Variants in ROBO3 observed in about 807,000 individuals in gnomAD.
The protein encoded by ROBO3 is roundabout homolog 3.
ROBO3 carries 97 observed loss-of-function variants against 160.5 expected under a neutral mutation model. That is an observed-to-expected ratio of 0.60 (90% CI 0.51 to 0.72). The LOEUF is 0.72. ROBO3 is among the 30% of genes least tolerant of loss of function. The probability of loss-of-function intolerance (pLI) is 0.00; values close to 1 mark genes in which losing one functional copy is unlikely to be tolerated. For missense variants in ROBO3, 1,858 were observed against 1,846.5 expected, an observed-to-expected ratio of 1.01 and a Z score of -0.11; for synonymous variants, 780 against 746.2, an observed-to-expected ratio of 1.05 and a Z score of -0.74.
At chr11:124,866,429 G>T (rs1440553781) in intron 1 of ROBO3, among the ~76,000 whole-genome samples, 1 of 152,168 alleles carries the variant, frequency 6.6e-6, no homozygotes, top group Admixed American at 6.5e-5. Context: ...GCCGGCCGCC[G>T]CCAGCCTGCG....
Position 124,876,699 on chromosome 11 carries a change from C to G in ROBO3, c.2779+239C>G. ...GATGACGTTTGCCTCTAAGACGCCA[C>G]GAGGAGGCCAGGCTTTGCAACCATC... On this transcript the variant is annotated intron_variant, in intron 17 of 27. Transcript: ENST00000397801. This position sits in a 1 kb window ranked among gnomAD's most constrained non-coding sequence, Gnocchi z 5.3. 3 of 470,274 alleles carry G rather than the reference C, an allele frequency of 6.4e-6. No individual in the cohort carries two copies. Among genetic ancestry groups the G allele is most frequent in the East Asian group, 6.6e-5 (2 of 30,316 alleles). The allele number at this position is 470,274 out of a possible 1,614,324, so 29.1% of individuals were successfully genotyped here.
chr11:124,873,031 G>C lies in ROBO3; in HGVS notation c.1478G>C (p.Gly493Ala). 1 of 1,613,918 alleles carries C rather than the reference G, an allele frequency of 6.2e-7. No homozygotes were observed. The highest frequency in any genetic ancestry group is 8.5e-7 in the Non-Finnish European group (1 of 1,179,852). ...RWKKDGQWLQGDDLQFKTMAN... is the reference protein window; with the variant it reads ...RWKKDGQWLQADDLQFKTMAN... ...AAGAAGGATGGGCAGTGGCTGCAGGGGGATGACCTCCAGTTCAAGACAATG... is the reference window on the plus strand; with the variant it reads ...AAGAAGGATGGGCAGTGGCTGCAGGCGGATGACCTCCAGTTCAAGACAATG... Residue 493 changes from glycine (G) to alanine (A), a missense_variant, in exon 9 of 28, where the codon GGG becomes GCG. Physicochemically the swap from Gly to Ala is moderately conservative, Grantham distance 60 (BLOSUM62 0). Transcript: ENST00000397801. This position sits in a 1 kb window ranked among gnomAD's most constrained non-coding sequence, Gnocchi z 4.5.
At chr11:124,870,371 C>T (rs765073550) in intron 5 of ROBO3, 68 bp downstream of exon 5, 569 of 1,548,536 alleles carry the variant, frequency 3.7e-4, no homozygotes, top group Admixed American at 1.0e-3. Context: ...CCTAGAAAAC[C>T]GGAAGACAGG....
Position 124,879,355 on chromosome 11 carries a change from AC to A in ROBO3, c.3685+16del. 1 of 1,607,060 alleles carries A rather than the reference AC, an allele frequency of 6.2e-7. No individual in the cohort carries two copies. The highest frequency in any genetic ancestry group is 1.7e-4 in the Middle Eastern group (1 of 6,032). ...GCAGTGCCCCAGGTAAGTCTCTACA[AC>A]CTCCTTTTGCCCCCCGGCTCCCTCC... On this transcript the variant is annotated intron_variant, in intron 24 of 27. Transcript: ENST00000397801.
At position 124,870,157 on chromosome 11, in the gene ROBO3, C is replaced by A. The variant is rs374555896; in HGVS notation, c.767-8C>A. The A allele has an allele frequency of 8.1e-6, 13 of 1,613,938 alleles. No individual in the cohort carries two copies. The highest frequency in any genetic ancestry group is 1.1e-5 in the Non-Finnish European group (13 of 1,179,900). ...CACCCTGACTGTTCACTCACTACCA[C>A]TCCATAGAGCGTCCCTCATTCCTGC... is the stretch of plus-strand genomic sequence containing the variant. On this transcript the variant is annotated splice_polypyrimidine_tract_variant and splice_region_variant and intron_variant, in intron 4 of 27. Coordinates refer to ENST00000397801, the MANE Select transcript of ROBO3 (RefSeq NM_022370.4).
intron 20 of ROBO3, 50 bp downstream of exon 20, chr11:124,877,708 T>C: frequency 1.3e-6 from 2 of 1,598,538 alleles, no homozygotes; most frequent in Non-Finnish European, 1.7e-6. Flanking sequence ...TCTCCCGACC[T>C]ACTGGGGCAA....
intron 27 of ROBO3, 147 bp downstream of exon 27, chr11:124,880,755 T>G: frequency 8.0e-7 from 1 of 1,251,232 alleles, no homozygotes; most frequent in Non-Finnish European, 1.1e-6. Flanking sequence ...GGAGGAATCC[T>G]GTAGAAGTGA....
In ROBO3 at chr11:124,873,231, T is replaced by A. The variant is rs1050165685; in HGVS notation, c.1537-79T>A. On this transcript the variant is annotated intron_variant, in intron 9 of 27. Coordinates refer to ENST00000397801, the MANE Select transcript of ROBO3 (RefSeq NM_022370.4). This position sits in a 1 kb window ranked among gnomAD's most constrained non-coding sequence, Gnocchi z 4.5. ...GCACCTAGTATCCAACATCTTCCCA[T>A]CCTTCTGCTACCCGCCTCCACCCCC... The A allele has an allele frequency of 4.2e-6, 6 of 1,442,744 alleles. No individual in the cohort carries two copies. The highest frequency in any genetic ancestry group is 5.7e-6 in the Non-Finnish European group (6 of 1,046,490). 89.4% of individuals were successfully genotyped at this position (1,442,744 alleles called of 1,614,324 possible). A position where few individuals can be genotyped will look rare whatever the true frequency, so the allele number is the denominator to read the frequency against.
In ROBO3 at chr11:124,870,394, T is replaced by C. The variant is rs1047094246; in HGVS notation, c.905+91T>C. 2.5e-5 allele frequency: 38 copies of C among 1,514,472 alleles called. No individual in the cohort carries two copies. The East Asian group carries it at 9.3e-4, about 37-fold the overall frequency. 93.8% of individuals were successfully genotyped at this position (1,514,472 alleles called of 1,614,324 possible). ...ACCGGAAGACAGGCACATTCTCACT[T>C]GAGAACACAGAGAAGTCTGTTCCCT... On this transcript the variant is annotated intron_variant, in intron 5 of 27. Transcript: ENST00000397801.
rs982191339 is a variant in ROBO3 at position 124,869,990 on chromosome 11, G to A, written c.688G>A (p.Asp230Asn). The A allele has an allele frequency of 1.2e-5, 19 of 1,613,536 alleles. No individual in the cohort carries two copies. The highest frequency in any genetic ancestry group is 5.0e-5 in the Admixed American group (3 of 59,938). ...KLMMSHTLKS[D>N]AGMYVCVASN... ...GATGATGTCACATACACTCAAGAGC[G>A]ATGCAGGCATGTATGTGTGCGTAGC... The change falls in exon 4 of 28, where the codon GAT becomes AAT. Residue 230 changes from aspartate (D) to asparagine (N), a missense_variant. Transcript: ENST00000397801. The surrounding 1 kb of genome is among the most constrained non-coding windows in gnomAD (Gnocchi z 4.2).
Position 124,869,992 on chromosome 11 carries a change from T to C in ROBO3, c.690T>C (p.Asp230=), listed in dbSNP as rs1457945240. 2 of 1,613,832 alleles carry C rather than the reference T, an allele frequency of 1.2e-6. No homozygotes were observed. The highest frequency in any genetic ancestry group is 2.2e-5 in the South Asian group (2 of 91,058). ...TGATGTCACATACACTCAAGAGCGA[T>C]GCAGGCATGTATGTGTGCGTAGCCT... ...KLMMSHTLKS[D]AGMYVCVASN... is the part of the protein sequence containing the mutation. The change falls in exon 4 of 28, where the codon GAT becomes GAC. Residue 230 remains aspartate, a synonymous_variant. Coordinates refer to ENST00000397801, the MANE Select transcript of ROBO3 (RefSeq NM_022370.4). This position sits in a 1 kb window ranked among gnomAD's most constrained non-coding sequence, Gnocchi z 4.2.
In ROBO3 at chr11:124,878,635, G is replaced by A. The variant is rs756071747; in HGVS notation, c.3372G>A (p.Thr1124=). The part of the protein sequence containing the change: ...CPPMPERSHL[T]EPSSSGGCLV... The stretch of plus-strand genomic sequence containing the variant: ...CAATGCCTGAGAGAAGTCACCTGAC[G>A]GAGCCCAGCTCCAGTGGAGGGTGCC... Residue 1124 remains threonine (T), a synonymous_variant, in exon 23 of 28, where the codon ACG becomes ACA. Coordinates refer to ENST00000397801, the MANE Select transcript of ROBO3 (RefSeq NM_022370.4). The surrounding 1 kb of genome is among the most constrained non-coding windows in gnomAD (Gnocchi z 4.3). The A allele has an allele frequency of 4.5e-5, 72 of 1,613,148 alleles. No homozygotes were observed. Among genetic ancestry groups the A allele is most frequent in the East Asian group, 3.6e-4 (16 of 44,864 alleles).
Position 124,876,133 on chromosome 11 carries a change from C to G in ROBO3, c.2593+8C>G, listed in dbSNP as rs576959896. ...CAGTGCTGGTGCAGCTGCGTGAGTC[C>G]ACCCGAGGGCAGTGCTGAGGATCTT... On this transcript the variant is annotated splice_region_variant and intron_variant, in intron 16 of 27. Coordinates refer to ENST00000397801, the MANE Select transcript of ROBO3 (RefSeq NM_022370.4). The surrounding 1 kb of genome is among the most constrained non-coding windows in gnomAD (Gnocchi z 5.3). The G allele has an allele frequency of 6.9e-6, 11 of 1,593,232 alleles. No homozygotes were observed. The East Asian group carries it at 2.5e-4, about 36-fold the overall frequency.
rs1413314135 is a variant in ROBO3, at chr11:124,875,682, C to T, written c.2418C>T (p.Tyr806=). The T allele has an allele frequency of 1.0e-5, 16 of 1,604,866 alleles. No homozygotes were observed. Among genetic ancestry groups the T allele is most frequent in the Non-Finnish European group, 1.3e-5 (15 of 1,176,054 alleles). The change falls in exon 15 of 28, where the codon TAC becomes TAT. Residue 806 remains tyrosine (Y), a synonymous_variant. Coordinates refer to ENST00000397801, the MANE Select transcript of ROBO3 (RefSeq NM_022370.4). ...PSQQNGVITE[Y]QIWCLGNESR... ...AGCAAAATGGGGTCATCACGGAATA[C>T]CAGGTAGAGGGATTGAGGAGGGACT...
chr11:124,880,082 T>C (rs1231852761), intron 26 of ROBO3, 134 bp downstream of exon 26: 7 of 929,774 alleles, frequency 7.5e-6, no homozygotes, highest in Non-Finnish European at 1.1e-5. Flanking sequence ...CAAACTCCCC[T>C]GTCTCTCTAA....
At position 124,872,919 on chromosome 11, in the gene ROBO3, G is replaced by C; in HGVS notation, c.1366G>C (p.Gly456Arg). ...LDGLPPVILQ[G>R]PANQTLVLGS... ...TGGGCTGCCTCCTGTCATCCTCCAGGGACCAGCCAATCAGACGCTGGTGCT... is the reference window on the plus strand; with the variant it reads ...TGGGCTGCCTCCTGTCATCCTCCAGCGACCAGCCAATCAGACGCTGGTGCT... Residue 456 changes from glycine to arginine, a missense_variant, in exon 9 of 28, where the codon GGA (glycine) becomes CGA (arginine). Transcript: ENST00000397801. The surrounding 1 kb of genome is among the most constrained non-coding windows in gnomAD (Gnocchi z 4.3). 1 of 1,611,290 alleles carries C rather than the reference G, an allele frequency of 6.2e-7. No homozygotes were observed. Among genetic ancestry groups the C allele is most frequent in the Non-Finnish European group, 8.5e-7 (1 of 1,179,140 alleles).
Position 124,868,833 on chromosome 11 carries a change from C to G in ROBO3, c.192C>G (p.Pro64=), listed in dbSNP as rs1313557275. The G allele has an allele frequency of 1.2e-6, 2 of 1,610,174 alleles. No individual in the cohort carries two copies. Among genetic ancestry groups the G allele is most frequent in the Admixed American group, 1.7e-5 (1 of 59,672 alleles). Residue 64 remains proline (P), a synonymous_variant, in exon 2 of 28, where the codon CCC becomes CCG. Transcript: ENST00000397801. ...GGGTAGGACCGGAGGACGCTATGCC[C>G]CGCATCGTGGAGCAGCCGCCAGATC... ...GSRVGPEDAM[P]RIVEQPPDLL...
Position 124,875,155 on chromosome 11 carries a change from G to A in ROBO3, c.2118G>A (p.Trp706Ter). ...TGGTGCAAGGTTTCCGGGTGTCTTG[G>A]AGGGTAGCAGGCCCTGAGGGAGGAA... is the stretch of plus-strand genomic sequence containing the variant. ...VQLVQGFRVS[W>*]RVAGPEGGSW... is the part of the protein sequence containing the mutation. The change falls in exon 14 of 28, where the codon TGG becomes TGA. Residue 706 changes from tryptophan (W) to a stop codon, truncating the protein, a stop_gained. Transcript: ENST00000397801. LOFTEE classifies it high-confidence loss of function. 1 of 1,613,286 alleles carries A rather than the reference G, an allele frequency of 6.2e-7. No individual in the cohort carries two copies. Among genetic ancestry groups the A allele is most frequent in the Non-Finnish European group, 8.5e-7 (1 of 1,179,714 alleles).
In ROBO3 at chr11:124,874,130, A is replaced by G. The variant is rs1467564185; in HGVS notation, c.1845A>G (p.Thr615=). 6.2e-7 allele frequency: 1 copy of G among 1,613,996 alleles called. No homozygotes were observed. The highest frequency in any genetic ancestry group is 8.5e-7 in the Non-Finnish European group (1 of 1,179,880). ...ATGGCGTGCAGCTGGAGACACACAC[A>G]GTCAGCGGTCTGCAGCCCAATACCA... ...VADGVQLETH[T]VSGLQPNTIY... Residue 615 remains threonine (T), a synonymous_variant, in exon 12 of 28, where the codon ACA becomes ACG. Transcript: ENST00000397801.
Sources: gnomAD v4.1 joint callset for allele counts (sites outside exome capture counted in the v4.1 genomes callset) on GRCh38, gnomAD v4.1.1 for gene constraint, Gnocchi (gnomAD v3.1) non-coding constraint, MANE v1.5 for transcripts, NCBI Gene and HGNC (gene_info 2026-07-23, HGNC 2026-07-21) for gene names.